DNM3: variants seen among roughly 807,000 people sequenced by gnomAD.
DNM3 encodes dynamin-3.
Under a neutral mutation model 101.6 loss-of-function variants are expected in DNM3, and 47 were observed. That is an observed-to-expected ratio of 0.46 (90% CI 0.37 to 0.59). The LOEUF is 0.59. DNM3 is among the 20% of genes least tolerant of loss of function. The probability of loss-of-function intolerance (pLI) is 0.00; values close to 1 mark genes in which losing one functional copy is unlikely to be tolerated. For missense variants in DNM3, 849 were observed against 1,085.7 expected (o/e 0.78, Z 3.06); for synonymous variants, 385 against 387.9 (o/e 0.99, Z 0.09).
intron 14 of DNM3, among the ~76,000 whole-genome samples, chr1:172,250,374 A>G (rs1306534579): frequency 6.6e-6 from 1 of 152,134 alleles, no homozygotes; most frequent in African/African-American, 2.4e-5. Context: ...ACATTGGCCA[A>G]TCAGGATTGA....
At chr1:172,413,044 A>G (rs2149140976), downstream of DNM3, among the ~76,000 whole-genome samples, 1 of 152,334 alleles carries the variant, frequency 6.6e-6, no homozygotes, top group East Asian at 1.9e-4. Context: ...GCTGTTGAAA[A>G]TGAAGCATTT....
intron 14 of DNM3, among the ~76,000 whole-genome samples, chr1:172,218,633 AT>A (rs907059145): frequency 3.9e-5 from 6 of 152,268 alleles, no homozygotes; most frequent in Non-Finnish European, 7.4e-5. Context: ...TCTAAAAAAA[AT>A]CTGAATTCTG....
rs114325680 is a variant in DNM3, at chr1:172,322,994, T to C, written c.1882-335T>C. 4.8e-3 allele frequency among the ~76,000 whole-genome samples: 728 copies of C among 152,246 alleles called. 4 individuals are homozygous for C. The highest frequency in any genetic ancestry group is 0.016 in the African/African-American group (685 of 41,542). On this transcript the variant is annotated intron_variant, in intron 16 of 20. Coordinates refer to ENST00000627582, the MANE Select transcript of DNM3 (RefSeq NM_015569.5). ...ACGCTAACAGTTCACTTATTACTGA[T>C]TCAAACCAATTCTTTCTGGCCACGT...
At chr1:171,954,258 T>C (rs1475678819) in intron 2 of DNM3, among the ~76,000 whole-genome samples, 1 of 152,216 alleles carries the variant, frequency 6.6e-6, no homozygotes, top group South Asian at 2.1e-4. Context: ...TAAATCTCTT[T>C]TGCTAAATTT....
chr1:172,151,815 GTTGT>G (rs940675001), intron 14 of DNM3, among the ~76,000 whole-genome samples: 6 of 152,030 alleles, frequency 3.9e-5, no homozygotes, highest in African/African-American at 9.7e-5. Context: ...TGCACTAATT[GTTGT>G]TTGTTTGTTT....
intron 4 of DNM3, among the ~76,000 whole-genome samples, chr1:172,012,914 T>C (rs1317021696): frequency 6.6e-6 from 1 of 151,984 alleles, no homozygotes; most frequent in Non-Finnish European, 1.5e-5. Context: ...GACAAAACTC[T>C]TCCTATTCAT....
At chr1:172,304,405 C>A (rs1040342487) in intron 15 of DNM3, among the ~76,000 whole-genome samples, 2 of 151,898 alleles carry the variant, frequency 1.3e-5, no homozygotes, top group African/African-American at 4.8e-5. Context: ...TAGAGACCTA[C>A]AAAGAGACTT....
chr1:171,848,716 C>A (rs1558160021), intron 1 of DNM3, among the ~76,000 whole-genome samples: 1 of 152,130 alleles, frequency 6.6e-6, no homozygotes, highest in Non-Finnish European at 1.5e-5. Flanking sequence ...TGTTTGCATT[C>A]TTAGAGTGCA....
intron 17 of DNM3, among the ~76,000 whole-genome samples, chr1:172,338,046 A>C (rs751790626): frequency 4.0e-5 from 6 of 151,606 alleles, no homozygotes; most frequent in Non-Finnish European, 8.8e-5. Context: ...CCTCCCAAGT[A>C]GCTGGGACCA....
intron 14 of DNM3, among the ~76,000 whole-genome samples, chr1:172,252,013 GAATATTCTTGTGTTTGAT>G (rs1457676899): frequency 5.3e-5 from 8 of 152,056 alleles, no homozygotes; most frequent in Admixed American, 5.2e-4. Flanking sequence ...TTGCTGTTTA[GAATATTCTTGTGTTTGAT>G]AATATATTCT....
At position 172,371,887 on chromosome 1, in the gene DNM3, C is replaced by T. The variant is rs1455033722; in HGVS notation, c.1894-7131C>T. ...TTATTTTTATTTTTTATTTTTTTTA[C>T]TTTTTTATTTATTTATTTATTTATT... On this transcript the variant is annotated intron_variant, in intron 17 of 20. Coordinates refer to ENST00000627582, the MANE Select transcript of DNM3 (RefSeq NM_015569.5). 3.7e-3 allele frequency among the ~76,000 whole-genome samples: 519 copies of T among 141,052 alleles called. 2 individuals are homozygous for T. The highest frequency in any genetic ancestry group is 0.013 in the African/African-American group (492 of 37,644). 92.5% of individuals were successfully genotyped at this position (141,052 alleles called of 152,430 possible).
Position 172,411,392 on chromosome 1 carries a change from T to C in DNM3, c.*3551T>C, listed in dbSNP as rs767855626. The stretch of plus-strand genomic sequence containing the variant: ...TCTGAATCTAAGAAGGAATTACCTT[T>C]GACAATATTTTTCGGTAAGAAGTAA... On this transcript the variant is annotated 3_prime_UTR_variant, in exon 21 of 21. Transcript: ENST00000627582. 2.0e-6 allele frequency: 2 copies of C among 985,164 alleles called. No individual in the cohort carries two copies. Among genetic ancestry groups the C allele is most frequent in the Non-Finnish European group, 2.4e-6 (2 of 829,714 alleles). The allele number at this position is 985,164 out of a possible 1,614,324, so 61.0% of individuals were successfully genotyped here. A position where few individuals can be genotyped will look rare whatever the true frequency, so the allele number is the denominator to read the frequency against.
intron 10 of DNM3, among the ~76,000 whole-genome samples, chr1:172,060,478 G>A (rs2051083585): frequency 4.0e-5 from 2 of 50,398 alleles, no homozygotes; most frequent in African/African-American, 9.2e-5. Context: ...AAAACAGCAT[G>A]GTACTGGTAC....
chr1:172,198,538 T>C (rs926131659), intron 14 of DNM3, among the ~76,000 whole-genome samples: 1 of 110,300 alleles, frequency 9.1e-6, no homozygotes, highest in Non-Finnish European at 1.8e-5. Flanking sequence ...ATCCATCAGG[T>C]CCTGGGCTTT....
intron 13 of DNM3, among the ~76,000 whole-genome samples, chr1:172,116,273 G>A (rs2055883258): frequency 6.6e-6 from 1 of 152,178 alleles, no homozygotes; most frequent in South Asian, 2.1e-4. Flanking sequence ...CTGTCTGGAT[G>A]GATGTGTCTT....
At chr1:171,948,829 T>G (rs753330406) in intron 2 of DNM3, among the ~76,000 whole-genome samples, 1 of 152,144 alleles carries the variant, frequency 6.6e-6, no homozygotes, top group Non-Finnish European at 1.5e-5. Context: ...TACAACTAAA[T>G]TATGAAAATG....
chr1:172,233,819 G>C (rs568953205), intron 14 of DNM3, among the ~76,000 whole-genome samples: 2 of 152,030 alleles, frequency 1.3e-5, no homozygotes, highest in Non-Finnish European at 2.9e-5. Flanking sequence ...ATGCAGAAAA[G>C]GCCTTTGACA....
chr1:171,850,104 G>A (rs1407272179), intron 1 of DNM3, among the ~76,000 whole-genome samples: 1 of 152,166 alleles, frequency 6.6e-6, no homozygotes, highest in Admixed American at 6.5e-5. Context: ...TGGCGAAGCA[G>A]GACTACTTAG....
intron 20 of DNM3, 137 bp downstream of exon 20, chr1:172,388,946 C>A: frequency 2.6e-6 from 2 of 770,252 alleles, no homozygotes; most frequent in Non-Finnish European, 4.2e-6. Flanking sequence ...TGAACAGAGA[C>A]TATAGGAAAA....
Sources: allele counts gnomAD v4.1 joint callset (sites outside exome capture counted in the v4.1 genomes callset), GRCh38; gene constraint gnomAD v4.1.1; transcripts MANE v1.5; gene names NCBI Gene and HGNC (gene_info 2026-07-23, HGNC 2026-07-21).